Variants in NRG3 observed in about 807,000 individuals in gnomAD.
NRG3 encodes pro-neuregulin-3, membrane-bound isoform.
Under a neutral mutation model 66.9 loss-of-function variants are expected in NRG3, and 31 were observed. The ratio of observed to expected loss-of-function variants is 0.46; its 90% CI spans 0.35 to 0.63. The LOEUF (loss-of-function observed/expected upper bound fraction) is 0.63. Among genes scored for constraint, NRG3 ranks in the 20% least tolerant of loss-of-function variants. NRG3 has a pLI of 0.00. For missense variants in NRG3, 910 were observed against 878.9 expected, an observed-to-expected ratio of 1.04 and a Z score of -0.45; for synonymous variants, 393 against 359.4, an observed-to-expected ratio of 1.09 and a Z score of -1.06.
At chr10:82,867,421 A>G (rs1840862238) in intron 4 of NRG3, among the ~76,000 whole-genome samples, 1 of 152,202 alleles carries the variant, frequency 6.6e-6, no homozygotes, top group South Asian at 2.1e-4. Context: ...ATTTTGCTGT[A>G]AAAGAGGCTG....
At chr10:82,083,735 C>T (rs1416742478) in intron 1 of NRG3, among the ~76,000 whole-genome samples, 1 of 151,504 alleles carries the variant, frequency 6.6e-6, no homozygotes, top group Non-Finnish European at 1.5e-5. Flanking sequence ...GCTGGGATTA[C>T]AGGCATGCGC....
intron 3 of NRG3, among the ~76,000 whole-genome samples, chr10:82,808,804 A>C (rs2061385598): frequency 6.6e-6 from 1 of 152,224 alleles, no homozygotes; most frequent in Non-Finnish European, 1.5e-5. Flanking sequence ...AAGATGATAA[A>C]ACAATATATG....
chr10:82,230,256 C>T (rs2076393185), intron 1 of NRG3: 1 of 152,106 alleles, frequency 6.6e-6, no homozygotes, highest in African/African-American at 2.4e-5. Flanking sequence ...AGATTAGTTC[C>T]AGGGCTCCCA....
chr10:82,219,107 AAAT>A (rs2075819757), intron 1 of NRG3, among the ~76,000 whole-genome samples: 1 of 151,890 alleles, frequency 6.6e-6, no homozygotes, highest in Non-Finnish European at 1.5e-5. Context: ...GTGCTATATC[AAAT>A]AATATTTCAT....
chr10:82,543,378 A>G (rs2043676341), intron 2 of NRG3, among the ~76,000 whole-genome samples: 1 of 152,134 alleles, frequency 6.6e-6, no homozygotes, highest in Admixed American at 6.5e-5. Context: ...ATGATTCAGG[A>G]AAAAAATATA....
chr10:82,949,882 A>C lies in NRG3; in HGVS notation c.1055-1587A>C, dbSNP rs545747223. Among the ~76,000 whole-genome samples the C allele has an allele frequency of 2.3e-3, 348 of 152,110 alleles. 1 individual carries two copies. The highest frequency in any genetic ancestry group is 7.1e-3 in the African/African-American group (294 of 41,500). ...AAACAAAAACAAAACCAAAAAAAAA[A>C]CCAAAAAGATCCTGATTTAGAAAGA... is the stretch of plus-strand genomic sequence containing the variant. On this transcript the variant is annotated intron_variant, in intron 4 of 8. Coordinates refer to ENST00000372141, the MANE Select transcript of NRG3 (RefSeq NM_001010848.4).
intron 2 of NRG3, among the ~76,000 whole-genome samples, chr10:82,725,703 T>G (rs2057559589): frequency 6.6e-6 from 1 of 152,200 alleles, no homozygotes; most frequent in Non-Finnish European, 1.5e-5. Context: ...GCATTTTTAG[T>G]ATAAGTATGT....
At chr10:81,994,914 G>T (rs1012675294) in intron 1 of NRG3, among the ~76,000 whole-genome samples, 22 of 152,018 alleles carry the variant, frequency 1.4e-4, no homozygotes. Flanking sequence ...TAAAACGTCA[G>T]TTTTCTTTAG....
chr10:82,088,167 A>T (rs574774542), intron 1 of NRG3, among the ~76,000 whole-genome samples: 2 of 152,154 alleles, frequency 1.3e-5, no homozygotes, highest in Middle Eastern at 3.4e-3. Flanking sequence ...GGGTCAATTG[A>T]TTTCTTTTTC....
intron 2 of NRG3, among the ~76,000 whole-genome samples, chr10:82,678,277 G>A (rs113736488): frequency 0.12 from 18,795 of 151,990 alleles, 3,638 homozygotes; most frequent in African/African-American, 0.42. Flanking sequence ...GGTTGAGTCC[G>A]AAAAAGAGAG....
chr10:82,351,929 T>A (rs2083460386), intron 1 of NRG3, among the ~76,000 whole-genome samples: 1 of 152,230 alleles, frequency 6.6e-6, no homozygotes, highest in Non-Finnish European at 1.5e-5. Flanking sequence ...GCCACTCAGT[T>A]AGCAATTGTC....
intron 2 of NRG3, among the ~76,000 whole-genome samples, chr10:82,736,753 A>G (rs1358870929): frequency 6.6e-6 from 1 of 152,254 alleles, no homozygotes; most frequent in Non-Finnish European, 1.5e-5. Context: ...AACACTTAAA[A>G]AGCAAAACAA....
intron 1 of NRG3, among the ~76,000 whole-genome samples, chr10:81,953,669 T>C (rs567464495): frequency 4.3e-4 from 66 of 152,308 alleles, no homozygotes; most frequent in African/African-American, 1.6e-3. Context: ...ATGACATAGT[T>C]TATAGCAAAC....
intron 1 of NRG3, among the ~76,000 whole-genome samples, chr10:82,078,773 A>C (rs1003063213): frequency 2.0e-5 from 3 of 152,220 alleles, no homozygotes; most frequent in African/African-American, 7.2e-5. Context: ...CATGATGCGA[A>C]ACAAATGCTG....
At chr10:82,470,225 G>T (rs1047533472) in intron 2 of NRG3, among the ~76,000 whole-genome samples, 3 of 152,188 alleles carry the variant, frequency 2.0e-5, no homozygotes, top group African/African-American at 7.2e-5. Context: ...ATTAATATTT[G>T]CAGTAAAGAT....
intron 4 of NRG3, among the ~76,000 whole-genome samples, chr10:82,944,440 G>A (rs1269174473): frequency 3.3e-5 from 5 of 152,138 alleles, no homozygotes; most frequent in Admixed American, 3.3e-4. Flanking sequence ...TGACAATTAA[G>A]TAAAATGGAA....
At chr10:82,870,534 A>G (rs1290843762) in intron 4 of NRG3, among the ~76,000 whole-genome samples, 1 of 152,152 alleles carries the variant, frequency 6.6e-6, no homozygotes, top group Admixed American at 6.5e-5. Context: ...TGGCTGTGCC[A>G]TTTTGCATTC....
intron 1 of NRG3, among the ~76,000 whole-genome samples, chr10:82,306,351 A>G (rs1378476916): frequency 6.6e-6 from 1 of 152,166 alleles, no homozygotes; most frequent in Non-Finnish European, 1.5e-5. Flanking sequence ...AACTAATTCA[A>G]AAAGTGTTCT....
chr10:82,984,638 TG>T, intron 8 of NRG3: 1 of 673,694 alleles, frequency 1.5e-6, no homozygotes, highest in Non-Finnish European at 2.5e-6. Flanking sequence ...TCGACTAGGG[TG>T]GCCACAACAA....
Sources: gnomAD v4.1 joint callset for allele counts (sites outside exome capture counted in the v4.1 genomes callset) on GRCh38, gnomAD v4.1.1 for gene constraint, MANE v1.5 for transcripts, NCBI Gene and HGNC (gene_info 2026-07-23, HGNC 2026-07-21) for gene names.